Variants in GLRA3 observed in about 807,000 individuals in gnomAD.
GLRA3 encodes glycine receptor alpha 3.
GLRA3 carries 44 observed loss-of-function variants against 60.4 expected under a neutral mutation model. That is an observed-to-expected ratio of 0.73 (90% CI 0.57 to 0.94). The LOEUF (loss-of-function observed/expected upper bound fraction) is 0.94, where lower values mean the gene tolerates loss of function less well. Ranked by LOEUF, GLRA3 falls within the 40% of genes least tolerant of loss-of-function variation. The pLI, the probability that GLRA3 is intolerant of heterozygous loss-of-function variation, is 0.00. For missense variants in GLRA3, 508 were observed against 564.6 expected (o/e 0.90, Z 1.02); for synonymous variants, 223 against 192.9 (o/e 1.16, Z -1.29).
At chr4:174,763,782 A>G (rs573083783) in intron 3 of GLRA3, among the ~76,000 whole-genome samples, 2 of 152,152 alleles carry the variant, frequency 1.3e-5, no homozygotes, top group African/African-American at 4.8e-5. Context: ...CCATGTTCCC[A>G]AACAGTAATG....
intron 3 of GLRA3, among the ~76,000 whole-genome samples, chr4:174,764,065 C>A (rs888259868): frequency 6.6e-6 from 1 of 152,024 alleles, no homozygotes; most frequent in Non-Finnish European, 1.5e-5. Context: ...ATCAGATTAA[C>A]AATATTGGGA....
Position 174,647,606 on chromosome 4 carries a change from C to A in GLRA3, c.1117-3542G>T, listed in dbSNP as rs545108990. 2.0e-5 allele frequency among the ~76,000 whole-genome samples: 3 copies of A among 152,136 alleles called. No individual in the cohort carries two copies. In the East Asian group the frequency reaches 5.8e-4, roughly 29 times the overall value. On this transcript the variant is annotated intron_variant, in intron 9 of 9. Coordinates refer to ENST00000274093, the MANE Select transcript of GLRA3 (RefSeq NM_006529.4). ...CTGCAAACTAGTGACTATAGTGCAG[C>A]CCTGTTCCATAAAAACATAATGTGA... is the stretch of plus-strand genomic sequence containing the variant.
At position 174,722,241 on chromosome 4, in the gene GLRA3, A is replaced by G. The variant is rs561774782; in HGVS notation, c.491+6234T>C. ...GAAACCCCTATGCCTAAAGCTTTTGAAAGAGCCTCTCCAGCATTTTCTGTC... is the reference window on the plus strand; with the variant it reads ...GAAACCCCTATGCCTAAAGCTTTTGGAAGAGCCTCTCCAGCATTTTCTGTC... On this transcript the variant is annotated intron_variant, in intron 4 of 9. Transcript: ENST00000274093. Among the ~76,000 whole-genome samples the G allele has an allele frequency of 9.9e-5, 15 of 152,150 alleles. No individual in the cohort carries two copies. The South Asian group carries it at 1.7e-3, about 17-fold the overall frequency.
At chr4:174,735,952 C>G (rs1351144275) in intron 3 of GLRA3, among the ~76,000 whole-genome samples, 1 of 152,152 alleles carries the variant, frequency 6.6e-6, no homozygotes, top group East Asian at 1.9e-4. Flanking sequence ...GCTCCTAAAA[C>G]AGTGAAAATC....
At chr4:174,788,381 T>C (rs1381736709) in intron 2 of GLRA3, among the ~76,000 whole-genome samples, 1 of 151,942 alleles carries the variant, frequency 6.6e-6, no homozygotes, top group Non-Finnish European at 1.5e-5. Context: ...TGTTTCCCAA[T>C]AGGTAAATTC....
In GLRA3 at chr4:174,682,956, A is replaced by G. The variant is rs1255672403; in HGVS notation, c.575-17T>C. On this transcript the variant is annotated splice_polypyrimidine_tract_variant and intron_variant, in intron 5 of 9. Coordinates refer to ENST00000274093, the MANE Select transcript of GLRA3 (RefSeq NM_006529.4). ...TGTACCCAACTAGGCAAAACATAAT[A>G]AAAATATGAATAGTCTAAAAAGGGC... 1 of 1,600,084 alleles carries G rather than the reference A, an allele frequency of 6.2e-7. No homozygotes were observed. Among genetic ancestry groups the G allele is most frequent in the Non-Finnish European group, 8.6e-7 (1 of 1,168,550 alleles).
At chr4:174,788,478 G>A (rs1739201981) in intron 2 of GLRA3, among the ~76,000 whole-genome samples, 1 of 150,450 alleles carries the variant, frequency 6.6e-6, no homozygotes, top group Non-Finnish European at 1.5e-5. Flanking sequence ...AATTAAAGAA[G>A]CTTCCATTCC....
At chr4:174,727,204 G>A (rs1736362686) in intron 4 of GLRA3, among the ~76,000 whole-genome samples, 1 of 152,120 alleles carries the variant, frequency 6.6e-6, no homozygotes, top group Non-Finnish European at 1.5e-5. Flanking sequence ...GCAGACATGG[G>A]ATAAAGCATT....
chr4:174,691,898 G>C (rs1410887462), intron 5 of GLRA3, among the ~76,000 whole-genome samples: 1 of 151,268 alleles, frequency 6.6e-6, no homozygotes, highest in Non-Finnish European at 1.5e-5. Context: ...GCCCAGTCTG[G>C]AAAGTGAGGA....
At chr4:174,662,850 T>C (rs1733507363) in intron 7 of GLRA3, among the ~76,000 whole-genome samples, 2 of 140,774 alleles carry the variant, frequency 1.4e-5, no homozygotes, top group African/African-American at 2.5e-5. Flanking sequence ...TTTTTTTTTT[T>C]CCTGTTTGTA....
chr4:174,700,800 A>T (rs1735283766), intron 5 of GLRA3, among the ~76,000 whole-genome samples: 1 of 152,224 alleles, frequency 6.6e-6, no homozygotes, highest in African/African-American at 2.4e-5. Flanking sequence ...ACCAGCAACA[A>T]CATTTCCTTA....
chr4:174,662,669 G>C (rs1733497080), intron 7 of GLRA3, among the ~76,000 whole-genome samples: 1 of 152,084 alleles, frequency 6.6e-6, no homozygotes, highest in African/African-American at 2.4e-5. Context: ...GGCAGGAGTG[G>C]TAAATAAAGT....
intron 3 of GLRA3, among the ~76,000 whole-genome samples, chr4:174,742,145 A>G (rs1258425722): frequency 6.6e-6 from 1 of 152,170 alleles, no homozygotes. Flanking sequence ...TAAAATTTTA[A>G]GAAATCTTAT....
chr4:174,757,102 T>C (rs1019456872), intron 3 of GLRA3, among the ~76,000 whole-genome samples: 34 of 152,212 alleles, frequency 2.2e-4, no homozygotes, highest in Non-Finnish European at 4.1e-4. Context: ...AAAGTACAAC[T>C]GTCTTAACAG....
chr4:174,703,325 A>G (rs1004132900), intron 5 of GLRA3, among the ~76,000 whole-genome samples: 1 of 152,170 alleles, frequency 6.6e-6, no homozygotes, highest in East Asian at 1.9e-4. Flanking sequence ...TTCATGATTC[A>G]CAGCTCCTGG....
chr4:174,716,865 T>G (rs1396399980), intron 4 of GLRA3, among the ~76,000 whole-genome samples: 1 of 152,098 alleles, frequency 6.6e-6, no homozygotes, highest in Non-Finnish European at 1.5e-5. Flanking sequence ...TCTGCCAAAT[T>G]CTATAGTGTG....
chr4:174,814,916 C>T (rs1360131457), intron 1 of GLRA3, among the ~76,000 whole-genome samples: 3 of 152,138 alleles, frequency 2.0e-5, no homozygotes, highest in Non-Finnish European at 2.9e-5. Context: ...CATGCCTTCC[C>T]AAGAGTCCCC....
intron 2 of GLRA3, among the ~76,000 whole-genome samples, chr4:174,783,735 G>A (rs933866153): frequency 6.0e-5 from 9 of 149,978 alleles, no homozygotes; most frequent in African/African-American, 2.2e-4. Context: ...ATCATCACTG[G>A]CCATCAGAGA....
intron 2 of GLRA3, among the ~76,000 whole-genome samples, chr4:174,774,313 T>C (rs940865168): frequency 6.6e-6 from 1 of 152,100 alleles, no homozygotes; most frequent in Non-Finnish European, 1.5e-5. Flanking sequence ...TGGTTTTCAA[T>C]AGATACAGAA....
Sources: gnomAD v4.1 joint callset for allele counts (sites outside exome capture counted in the v4.1 genomes callset) on GRCh38, gnomAD v4.1.1 for gene constraint, MANE v1.5 for transcripts, NCBI Gene and HGNC (gene_info 2026-07-23, HGNC 2026-07-21) for gene names.